Variants in ADAR observed in about 807,000 individuals in gnomAD.
ADAR encodes the protein double-stranded RNA-specific adenosine deaminase.
In ADAR, 41 loss-of-function variants were observed where a neutral mutation model predicts 113.2. The observed-to-expected ratio is 0.36, with a 90% CI of 0.28 to 0.47. The LOEUF is 0.47. Ranked by LOEUF, ADAR falls within the 20% of genes least tolerant of loss-of-function variation. The probability of loss-of-function intolerance (pLI) is 1.00; values close to 1 mark genes in which losing one functional copy is unlikely to be tolerated. For missense variants in ADAR, 1,242 were observed against 1,540.9 expected (o/e 0.81, Z 3.25); for synonymous variants, 605 against 572.6 (o/e 1.06, Z -0.81).
In ADAR at chr1:154,590,350, T is replaced by C. The variant is rs1197574959; in HGVS notation, c.2330A>G (p.Lys777Arg). The change falls in exon 7 of 15, where the codon AAG (lysine) becomes AGG (arginine). Residue 777 changes from lysine to arginine, a missense_variant. Transcript: ENST00000368474. Reference protein sequence around the residue: ...RWFPAVCAHSKKQGKQEAADA... With the variant: ...RWFPAVCAHSRKQGKQEAADA... ...TGCTGCTTCCTGCTTGCCTTGCTTC[T>C]TGCTGTGTGCGCAGACGGCTGGGAA... The C allele has an allele frequency of 1.2e-6, 2 of 1,614,122 alleles. No individual in the cohort carries two copies. Among genetic ancestry groups the C allele is most frequent in the Non-Finnish European group, 1.7e-6 (2 of 1,180,022 alleles).
At chr1:154,598,633 T>C in intron 2 of ADAR, 48 bp from the exon 3 acceptor site, 1 of 1,593,628 alleles carries the variant, frequency 6.3e-7, no homozygotes, top group East Asian at 2.2e-5. Flanking sequence ...AGGTCACTCC[T>C]TCTGCCTTCT....
At chr1:154,597,514 A>G (rs1057480850) in intron 4 of ADAR, among the ~76,000 whole-genome samples, 1 of 152,132 alleles carries the variant, frequency 6.6e-6, no homozygotes, top group Non-Finnish European at 1.5e-5. Flanking sequence ...TGAACATGTG[A>G]GTCTATAGAC....
chr1:154,598,856 T>C (rs1162050259), intron 2 of ADAR, among the ~76,000 whole-genome samples: 1 of 152,194 alleles, frequency 6.6e-6, no homozygotes, highest in Non-Finnish European at 1.5e-5. Context: ...AAACCCACTA[T>C]CTCTTTAACA....
upstream of ADAR, among the ~76,000 whole-genome samples, chr1:154,611,656 C>T (rs1353654994): frequency 2.6e-5 from 4 of 152,190 alleles, no homozygotes; most frequent in Admixed American, 1.3e-4. Context: ...CTTCCCCGTG[C>T]GTAACGGCAC....
At chr1:154,598,344 G>C in intron 3 of ADAR, 58 bp downstream of exon 3, 1 of 1,582,674 alleles carries the variant, frequency 6.3e-7, no homozygotes, top group Middle Eastern at 1.7e-4. Context: ...AAGGGAGTCA[G>C]TTACAATCCA....
chr1:154,588,092 T>G, intron 11 of ADAR, 33 bp downstream of exon 11: 2 of 1,612,396 alleles, frequency 1.2e-6, no homozygotes, highest in Non-Finnish European at 1.7e-6. Flanking sequence ...CAGAGCCTTT[T>G]GAGGAAAGGA....
intron 1 of ADAR, among the ~76,000 whole-genome samples, chr1:154,618,835 C>T (rs1698705392): frequency 1.3e-5 from 2 of 152,162 alleles, no homozygotes; most frequent in African/African-American, 2.4e-5. Flanking sequence ...GCAGGCCGGC[C>T]GTGGTGGCTT....
At chr1:154,610,811 A>AAAAAAAAT, upstream of ADAR, among the ~76,000 whole-genome samples, 1 of 57,136 alleles carries the variant, frequency 1.8e-5, no homozygotes, top group Non-Finnish European at 3.1e-5. Context: ...ACCGTCTCAA[A>AAAAAAAAT]AAAAAAAAAA....
chr1:154,585,692 G>A (rs1696712575), intron 13 of ADAR, 61 bp downstream of exon 13: 2 of 1,428,752 alleles, frequency 1.4e-6, no homozygotes, highest in Non-Finnish European at 2.0e-6. Flanking sequence ...TTTTTCCTCT[G>A]TTTACATGAC....
At chr1:154,595,351 G>A (rs958651679) in intron 6 of ADAR, among the ~76,000 whole-genome samples, 3 of 152,180 alleles carry the variant, frequency 2.0e-5, no homozygotes, top group African/African-American at 4.8e-5. Flanking sequence ...AGGAGATGAC[G>A]GCCCCCATGC....
At position 154,584,483 on chromosome 1, in the gene ADAR, C is replaced by A; in HGVS notation, c.*323G>T. 3.1e-6 allele frequency: 1 copy of A among 321,032 alleles called. No individual in the cohort carries two copies. Among genetic ancestry groups the A allele is most frequent in the Non-Finnish European group, 5.8e-6 (1 of 173,180 alleles). 19.9% of individuals were successfully genotyped at this position (321,032 alleles called of 1,614,324 possible). A position where few individuals can be genotyped will look rare whatever the true frequency, so the allele number is the denominator to read the frequency against. ...AACACAAAGGGAAAGGAAATGGAAA[C>A]AAATCAAAACAAAACTTTTAAGAGG... On this transcript the variant is annotated 3_prime_UTR_variant, in exon 15 of 15. Transcript: ENST00000368474.
intron 1 of ADAR, among the ~76,000 whole-genome samples, chr1:154,614,812 G>A (rs1458947014): frequency 6.6e-6 from 1 of 152,348 alleles, no homozygotes; most frequent in Admixed American, 6.5e-5. Flanking sequence ...AGGAGGCAAA[G>A]GGGTAGGATG....
chr1:154,586,746 A>G (rs1249680125), intron 11 of ADAR, among the ~76,000 whole-genome samples: 1 of 152,136 alleles, frequency 6.6e-6, no homozygotes, highest in Non-Finnish European at 1.5e-5. Flanking sequence ...GACATGGAGG[A>G]GGACAGCTGG....
In ADAR at chr1:154,601,028, G is replaced by A; in HGVS notation, c.1601+13C>T. On this transcript the variant is annotated intron_variant, in intron 2 of 14. Transcript: ENST00000368474. This position sits in a 1 kb window ranked among gnomAD's most constrained non-coding sequence, Gnocchi z 4.7. The stretch of plus-strand genomic sequence containing the variant: ...ACCCCAACCCTAGGTACAGTTCCTG[G>A]GTGGTCTCTTACCGAGGTTCATGGG... 1.2e-6 allele frequency: 2 copies of A among 1,613,992 alleles called. No homozygotes were observed. Among genetic ancestry groups the A allele is most frequent in the Non-Finnish European group, 1.7e-6 (2 of 1,180,036 alleles).
intron 1 of ADAR, among the ~76,000 whole-genome samples, chr1:154,617,728 C>A (rs1233707229): frequency 2.0e-5 from 3 of 152,062 alleles, no homozygotes; most frequent in Non-Finnish European, 4.4e-5. Context: ...TAGTGCCCCC[C>A]AAATCTGTTA....
Position 154,584,462 on chromosome 1 carries a change from CAAA to C in ADAR, c.*341_*343del. The C allele has an allele frequency of 3.5e-6, 1 of 287,628 alleles. No homozygotes were observed. Among genetic ancestry groups the C allele is most frequent in the Non-Finnish European group, 6.6e-6 (1 of 151,848 alleles). 17.8% of individuals were successfully genotyped at this position (287,628 alleles called of 1,614,324 possible). On this transcript the variant is annotated 3_prime_UTR_variant, in exon 15 of 15. Coordinates refer to ENST00000368474, the MANE Select transcript of ADAR (RefSeq NM_001111.5). ...CCGCAAGAGGTCAGTGTAGCAAACA[CAAA>C]GGGAAAGGAAATGGAAACAAATCAA...
At chr1:154,615,078 G>C (rs1280779253) in intron 1 of ADAR, among the ~76,000 whole-genome samples, 1 of 152,242 alleles carries the variant, frequency 6.6e-6, no homozygotes, top group Admixed American at 6.5e-5. Flanking sequence ...GGTTGGGAGA[G>C]GCAAGGAATG....
Position 154,601,488 on chromosome 1 carries a change from C to A in ADAR, c.1154G>T (p.Arg385Ile). ...TAPAAIPETK[R>I]NAEFLTCNIP... The stretch of plus-strand genomic sequence containing the variant: ...ATTACAGGTGAGGAACTCTGCGTTT[C>A]TTTTGGTCTCAGGGATTGCAGCTGG... Residue 385 changes from arginine (R) to isoleucine (I), a missense_variant, in exon 2 of 15, where the codon AGA (arginine) becomes ATA (isoleucine). By Grantham distance (97) the Arg-to-Ile change is moderately conservative. Transcript: ENST00000368474. This position sits in a 1 kb window ranked among gnomAD's most constrained non-coding sequence, Gnocchi z 4.7. The A allele has an allele frequency of 1.2e-6, 2 of 1,614,132 alleles. No homozygotes were observed. The highest frequency in any genetic ancestry group is 1.7e-6 in the Non-Finnish European group (2 of 1,180,018).
At chr1:154,625,678 G>A (rs569166878) in intron 1 of ADAR, among the ~76,000 whole-genome samples, 3 of 152,222 alleles carry the variant, frequency 2.0e-5, no homozygotes, top group Admixed American at 2.0e-4. Flanking sequence ...GGCCAACATG[G>A]TGAAACCCCA....
Sources: gnomAD v4.1 joint callset for allele counts (sites outside exome capture counted in the v4.1 genomes callset) on GRCh38, gnomAD v4.1.1 for gene constraint, Gnocchi (gnomAD v3.1) non-coding constraint, MANE v1.5 for transcripts, NCBI Gene and HGNC (gene_info 2026-07-23, HGNC 2026-07-21) for gene names.